Variants in LHFPL3 observed in about 807,000 individuals in gnomAD.
LHFPL3 encodes the protein LHFPL tetraspan subfamily member 3.
LHFPL3 carries 5 observed loss-of-function variants against 19.3 expected under a neutral mutation model. The ratio of observed to expected loss-of-function variants is 0.26; its 90% confidence interval spans 0.14 to 0.54. LHFPL3 has a LOEUF of 0.54. LHFPL3 is among the 20% of genes least tolerant of loss of function. The probability of loss-of-function intolerance (pLI) is 0.94; values close to 1 mark genes in which losing one functional copy is unlikely to be tolerated. For synonymous variants in LHFPL3, 133 were observed against 126.2 expected (o/e 1.05, Z -0.36); for missense variants, 249 against 307.4 (o/e 0.81, Z 1.42).
At chr7:104,550,486 G>A (rs1396372883) in intron 1 of LHFPL3, among the ~76,000 whole-genome samples, 2 of 152,170 alleles carry the variant, frequency 1.3e-5, no homozygotes, top group Non-Finnish European at 2.9e-5. Flanking sequence ...ATTACATCAT[G>A]AGTCATCTGA....
intron 2 of LHFPL3, among the ~76,000 whole-genome samples, chr7:104,875,886 AT>A (rs2116670569): frequency 6.6e-6 from 1 of 152,198 alleles, no homozygotes; most frequent in South Asian, 2.1e-4. Flanking sequence ...CATTAAAATC[AT>A]TTGCACACTT....
intron 2 of LHFPL3, among the ~76,000 whole-genome samples, chr7:104,826,150 C>T (rs1262327368): frequency 6.6e-6 from 1 of 151,908 alleles, no homozygotes; most frequent in Non-Finnish European, 1.5e-5. Flanking sequence ...GCTTTATCAC[C>T]AAGGCTGCTG....
At chr7:104,734,987 A>C (rs1584504423) in intron 1 of LHFPL3, among the ~76,000 whole-genome samples, 1 of 152,342 alleles carries the variant, frequency 6.6e-6, no homozygotes, top group South Asian at 2.1e-4. Flanking sequence ...AGTCCACTCC[A>C]GACCCTGTTT....
intron 1 of LHFPL3, 88 bp from the exon 2 acceptor site, chr7:104,736,587 A>T (rs1584505508): frequency 8.7e-6 from 7 of 808,226 alleles, no homozygotes; most frequent in Non-Finnish European, 1.4e-5. Context: ...TGAAACAATG[A>T]TTCGACAGAC....
rs1790210581 is a variant in LHFPL3 at position 104,570,414 on chromosome 7, G to C, written c.446-166261G>C. On this transcript the variant is annotated intron_variant, in intron 1 of 2. Coordinates refer to ENST00000424859, the MANE Select transcript of LHFPL3 (RefSeq NM_199000.3). ...GAATTTCAAGAGCTCCACTCTTTAT[G>C]TACTCAGTGACACTATTGTCTACTA... is the stretch of plus-strand genomic sequence containing the variant. Among the ~76,000 whole-genome samples, 3 of 152,162 alleles carry C rather than the reference G, an allele frequency of 2.0e-5. No homozygotes were observed. The South Asian group carries it at 6.2e-4, about 32-fold the overall frequency.
chr7:104,769,512 G>A (rs1358309127), intron 2 of LHFPL3, among the ~76,000 whole-genome samples: 1 of 152,068 alleles, frequency 6.6e-6, no homozygotes, highest in African/African-American at 2.4e-5. Context: ...AGAACATGCA[G>A]GTTTGTTACA....
chr7:104,358,086 A>G (rs999766606), intron 1 of LHFPL3, among the ~76,000 whole-genome samples: 3 of 152,216 alleles, frequency 2.0e-5, no homozygotes, highest in African/African-American at 4.8e-5. Flanking sequence ...GCCACATAGC[A>G]TATGAGTTTA....
intron 1 of LHFPL3, among the ~76,000 whole-genome samples, chr7:104,420,229 C>T (rs1791700927): frequency 6.6e-6 from 1 of 152,188 alleles, no homozygotes; most frequent in South Asian, 2.1e-4. Context: ...AGGGAGAGAA[C>T]CAGAGGGCCA....
chr7:104,501,973 A>G (rs1167827227), intron 1 of LHFPL3, among the ~76,000 whole-genome samples: 3 of 152,252 alleles, frequency 2.0e-5, no homozygotes, highest in Non-Finnish European at 4.4e-5. Flanking sequence ...ACTGAAAGGA[A>G]TTTCAAAATA....
chr7:104,894,947 A>G (rs552629596), intron 2 of LHFPL3: 1 of 152,336 alleles, frequency 6.6e-6, no homozygotes, highest in East Asian at 1.9e-4. Context: ...TTGAGTGTAC[A>G]TGAGAATCAC....
At chr7:104,594,632 T>C (rs6466002) in intron 1 of LHFPL3, among the ~76,000 whole-genome samples, 139,364 of 152,160 alleles carry the variant, frequency 0.92, 64,154 homozygotes, top group Non-Finnish European at 0.97. Flanking sequence ...TGAATAGTGT[T>C]TTCCACCTTG....
intron 1 of LHFPL3, among the ~76,000 whole-genome samples, chr7:104,711,442 T>A (rs2116214767): frequency 6.6e-6 from 1 of 152,282 alleles, no homozygotes; most frequent in East Asian, 1.9e-4. Context: ...GTAGCCCAAA[T>A]GATTCCAAAG....
intron 2 of LHFPL3, among the ~76,000 whole-genome samples, chr7:104,774,404 G>A (rs568228606): frequency 6.6e-6 from 1 of 152,100 alleles, no homozygotes; most frequent in Non-Finnish European, 1.5e-5. Context: ...AAGAAACTAC[G>A]GCAAGAAATT....
chr7:104,669,706 T>A lies in LHFPL3; in HGVS notation c.446-66969T>A, dbSNP rs980046664. ...CTGAAGACCTTTCTTACCTTTTTTT[T>A]AAAACAAAAAATGAAATTATTTTGC... On this transcript the variant is annotated intron_variant, in intron 1 of 2. Transcript: ENST00000424859. 3.4e-4 allele frequency: 368 copies of A among 1,077,240 alleles called. 1 individual carries two copies. The highest frequency in any genetic ancestry group is 4.3e-4 in the Admixed American group (16 of 37,204). 66.7% of individuals were successfully genotyped at this position (1,077,240 alleles called of 1,614,324 possible).
intron 2 of LHFPL3, among the ~76,000 whole-genome samples, chr7:104,795,122 T>G (rs987662961): frequency 6.6e-6 from 1 of 152,146 alleles, no homozygotes; most frequent in Non-Finnish European, 1.5e-5. Flanking sequence ...TGAAAACCTT[T>G]CCGGAAAGAT....
At chr7:104,383,318 A>G (rs983191642) in intron 1 of LHFPL3, among the ~76,000 whole-genome samples, 13 of 152,224 alleles carry the variant, frequency 8.5e-5, no homozygotes, top group African/African-American at 3.1e-4. Context: ...GGCCACAAGG[A>G]CCGTCAGTGC....
At chr7:104,739,753 C>A (rs6978452) in intron 2 of LHFPL3, among the ~76,000 whole-genome samples, 45,706 of 152,068 alleles carry the variant, frequency 0.3, 7,569 homozygotes, top group East Asian at 0.67. Flanking sequence ...AGAATTTATT[C>A]AGCACATGAT....
chr7:104,666,512 CTTTTTTTTTTTT>C (rs71155514), intron 1 of LHFPL3, among the ~76,000 whole-genome samples: 2 of 42,236 alleles, frequency 4.7e-5, no homozygotes, highest in Admixed American at 4.2e-4. Context: ...GGATTTCATT[CTTTTTTTTTTTT>C]TTTTTTTTTT....
At chr7:104,351,472 T>C (rs1349468323) in intron 1 of LHFPL3, among the ~76,000 whole-genome samples, 1 of 152,214 alleles carries the variant, frequency 6.6e-6, no homozygotes, top group Non-Finnish European at 1.5e-5. Flanking sequence ...AAAGTTTTTC[T>C]ACTTTTCATG....
Sources: allele counts gnomAD v4.1 joint callset (sites outside exome capture counted in the v4.1 genomes callset), GRCh38; gene constraint gnomAD v4.1.1; transcripts MANE v1.5; gene names NCBI Gene and HGNC (gene_info 2026-07-23, HGNC 2026-07-21).